APBB2: variants seen among roughly 807,000 people sequenced by gnomAD.
APBB2 encodes amyloid beta precursor protein binding family B member 2, also known as Fe65-like 1.
APBB2 carries 38 observed loss-of-function variants against 82.5 expected under a neutral mutation model. That is an observed-to-expected ratio of 0.46 (90% CI 0.36 to 0.60). The LOEUF (loss-of-function observed/expected upper bound fraction) is 0.60. Ranked by LOEUF, APBB2 falls within the 20% of genes least tolerant of loss-of-function variation. APBB2 has a pLI of 0.00. For synonymous variants in APBB2, 341 were observed against 368.2 expected, an observed-to-expected ratio of 0.93 and a Z score of 0.85; for missense variants, 772 against 972.3, an observed-to-expected ratio of 0.79 and a Z score of 2.74.
At chr4:40,829,833 T>C (rs1751260732) in intron 13 of APBB2, among the ~76,000 whole-genome samples, 1 of 152,248 alleles carries the variant, frequency 6.6e-6, no homozygotes, top group South Asian at 2.1e-4. Flanking sequence ...CAGTCTTGCC[T>C]CCCAGCTGGA....
chr4:41,090,290 A>C (rs1039596954), intron 3 of APBB2, among the ~76,000 whole-genome samples: 1 of 152,242 alleles, frequency 6.6e-6, no homozygotes, highest in Non-Finnish European at 1.5e-5. Context: ...CAATGGAAAC[A>C]CTGAAACTCT....
chr4:41,006,888 A>C (rs1806908129), intron 6 of APBB2, among the ~76,000 whole-genome samples: 1 of 152,238 alleles, frequency 6.6e-6, no homozygotes, highest in Admixed American at 6.5e-5. Context: ...ATACAGACTT[A>C]TCCAAAGCTC....
At chr4:41,192,432 T>G (rs1391002684) in intron 1 of APBB2, among the ~76,000 whole-genome samples, 1 of 152,200 alleles carries the variant, frequency 6.6e-6, no homozygotes, top group Non-Finnish European at 1.5e-5. Flanking sequence ...CTGTGATATA[T>G]TCATGCAACA....
At chr4:41,193,200 G>GT (rs1774955365) in intron 1 of APBB2, among the ~76,000 whole-genome samples, 1 of 152,150 alleles carries the variant, frequency 6.6e-6, no homozygotes, top group East Asian at 1.9e-4. Context: ...TTTAAATAAT[G>GT]TACCTCTCAA....
rs60942744 is a variant in APBB2 at position 40,961,667 on chromosome 4, TAAAAAAAAAAAAAAAAAAAAA to T, written c.836-16615_836-16595del. Among the ~76,000 whole-genome samples, 14 of 68,244 alleles carry T rather than the reference TAAAAAAAAAAAAAAAAAAAAA, an allele frequency of 2.1e-4. 1 individual carries two copies. The highest frequency in any genetic ancestry group is 8.8e-4 in the South Asian group (1 of 1,138). The allele number at this position is 68,244 out of a possible 152,430, so 44.8% of individuals were successfully genotyped here. On this transcript the variant is annotated intron_variant, in intron 6 of 17. Coordinates refer to ENST00000508593, the MANE Select transcript of APBB2 (RefSeq NM_004307.2). Reference sequence around the variant, plus strand: ...AATAATGAAAGAAAAAAAAAAGATGTAAAAAAAAAAAAAAAAAAAAAAAAAAAAAAAAAGAAACCAGTTTCC... The same window carrying T: ...AATAATGAAAGAAAAAAAAAAGATGTAAAAAAAAAAAAGAAACCAGTTTCC...
chr4:41,206,791 C>A (rs747174514), intron 1 of APBB2, among the ~76,000 whole-genome samples: 1 of 152,162 alleles, frequency 6.6e-6, no homozygotes, highest in Non-Finnish European at 1.5e-5. Context: ...ACAAACAATA[C>A]CACCTAGCAA....
chr4:40,832,460 C>G lies in APBB2; in HGVS notation c.1530-1883G>C, dbSNP rs780631608. On this transcript the variant is annotated intron_variant, in intron 12 of 17. Transcript: ENST00000508593. The surrounding 1 kb of genome is among the most constrained non-coding windows in gnomAD (Gnocchi z 4.8). Reference sequence around the variant, plus strand: ...CAACATTTCTCCTCCCAACCTACTCCTGCTTCCTCACGTTCTAGCTCAGTG... The same window carrying G: ...CAACATTTCTCCTCCCAACCTACTCGTGCTTCCTCACGTTCTAGCTCAGTG... Among the ~76,000 whole-genome samples the G allele has an allele frequency of 6.6e-6, 1 of 152,234 alleles. No homozygotes were observed. Among genetic ancestry groups the G allele is most frequent in the Non-Finnish European group, 1.5e-5 (1 of 68,042 alleles).
chr4:41,141,304 ATGTGTGTGTCTGTGTGTG>A (rs11272084), intron 2 of APBB2, among the ~76,000 whole-genome samples: 72,728 of 146,510 alleles, frequency 0.5, 18,299 homozygotes, highest in East Asian at 0.68. Flanking sequence ...GGTCAAAAAT[ATGTGTGTGTCTGTGTGTG>A]TGTGTGTGTC....
chr4:41,105,746 T>C (rs560785817), intron 2 of APBB2, among the ~76,000 whole-genome samples: 215 of 151,690 alleles, frequency 1.4e-3, no homozygotes, highest in Non-Finnish European at 5.3e-4. Flanking sequence ...ATTAGCCAGG[T>C]GTGGTAGCGG....
Position 41,033,322 on chromosome 4 carries a change from T to A in APBB2, c.-50-18A>T. 1 of 1,476,942 alleles carries A rather than the reference T, an allele frequency of 6.8e-7. No homozygotes were observed. The highest frequency in any genetic ancestry group is 1.3e-5 in the South Asian group (1 of 78,800). 91.5% of individuals were successfully genotyped at this position (1,476,942 alleles called of 1,614,324 possible). A position where few individuals can be genotyped will look rare whatever the true frequency, so the allele number is the denominator to read the frequency against. On this transcript the variant is annotated intron_variant, in intron 4 of 17. Transcript: ENST00000508593. ...TTTGAAATCTAAAAAGAAGGGATCA[T>A]TTGAGAAATTAAAACTCCAAATAAC...
Position 41,163,505 on chromosome 4 carries a change from C to G in APBB2, c.-416-20363G>C, listed in dbSNP as rs1765707107. On this transcript the variant is annotated intron_variant, in intron 1 of 17. Coordinates refer to ENST00000508593, the MANE Select transcript of APBB2 (RefSeq NM_004307.2). ...GTAAAAGATAATATAAGCTGATTTT[C>G]AGCTTTCAGAGAAAGAAGATTACTT... Among the ~76,000 whole-genome samples, 3 of 152,320 alleles carry G rather than the reference C, an allele frequency of 2.0e-5. No individual in the cohort carries two copies. The South Asian group carries it at 6.2e-4, about 32-fold the overall frequency.
At chr4:40,871,117 C>T (rs1449659966) in intron 12 of APBB2, among the ~76,000 whole-genome samples, 1 of 152,110 alleles carries the variant, frequency 6.6e-6, no homozygotes, top group African/African-American at 2.4e-5. Context: ...AACTTAATCA[C>T]ATCTGTGAAG....
chr4:41,111,497 A>G (rs1235900127), intron 2 of APBB2, among the ~76,000 whole-genome samples: 1 of 152,246 alleles, frequency 6.6e-6, no homozygotes. Flanking sequence ...ATTCCCATTT[A>G]AAGAGTATAT....
chr4:40,957,008 C>A (rs1791810788), intron 6 of APBB2, among the ~76,000 whole-genome samples: 1 of 152,178 alleles, frequency 6.6e-6, no homozygotes, highest in Non-Finnish European at 1.5e-5. Context: ...TTGAATCTAG[C>A]CCCGATGCCT....
At chr4:41,128,629 T>C (rs927891452) in intron 2 of APBB2, among the ~76,000 whole-genome samples, 1 of 152,210 alleles carries the variant, frequency 6.6e-6, no homozygotes. Context: ...CCACAAACAA[T>C]GGCTGAGATT....
intron 4 of APBB2, among the ~76,000 whole-genome samples, chr4:41,065,179 C>G (rs1443337064): frequency 6.6e-6 from 1 of 151,770 alleles, no homozygotes; most frequent in Non-Finnish European, 1.5e-5. Flanking sequence ...CCAATTGCAC[C>G]GTAAGCTAAG....
chr4:41,020,118 TA>T (rs1355045424), intron 5 of APBB2, among the ~76,000 whole-genome samples: 3 of 152,190 alleles, frequency 2.0e-5, no homozygotes, highest in Non-Finnish European at 4.4e-5. Flanking sequence ...AGGGTAAATT[TA>T]AAACCTATAA....
chr4:40,864,051 G>C (rs912304457), intron 12 of APBB2, among the ~76,000 whole-genome samples: 3 of 152,106 alleles, frequency 2.0e-5, no homozygotes, highest in Non-Finnish European at 4.4e-5. Context: ...GAGGTCAAGA[G>C]ATAGAGACCA....
At chr4:41,112,834 A>G (rs942029377) in intron 2 of APBB2, among the ~76,000 whole-genome samples, 2 of 152,120 alleles carry the variant, frequency 1.3e-5, no homozygotes, top group African/African-American at 2.4e-5. Flanking sequence ...CTAAAAATGC[A>G]AAATTAGCCG....
Sources: allele counts gnomAD v4.1 joint callset (sites outside exome capture counted in the v4.1 genomes callset), GRCh38; gene constraint gnomAD v4.1.1; non-coding constraint Gnocchi (gnomAD v3.1); transcripts MANE v1.5; gene names NCBI Gene and HGNC (gene_info 2026-07-23, HGNC 2026-07-21).